The following OR9Q1 variants were observed in gnomAD, a reference collection of about 807,000 sequenced individuals.
OR9Q1 encodes olfactory receptor family 9 subfamily Q member 1, also known as olfactory receptor 9Q1.
For synonymous variants in OR9Q1, 153 were observed against 148.6 expected, an observed-to-expected ratio of 1.03 and a Z score of -0.22; for missense variants, 374 against 378.8, an observed-to-expected ratio of 0.99 and a Z score of 0.11.
chr11:58,070,446 G>A (rs1853476827), intron 2 of OR9Q1, among the ~76,000 whole-genome samples: 1 of 152,052 alleles, frequency 6.6e-6, no homozygotes, highest in African/African-American at 2.4e-5. Flanking sequence ...ACACTCCTAG[G>A]TGTCTGAGCA....
chr11:58,078,967 A>C (rs1244225204), intron 2 of OR9Q1, among the ~76,000 whole-genome samples: 1 of 152,228 alleles, frequency 6.6e-6, no homozygotes, highest in Non-Finnish European at 1.5e-5. Flanking sequence ...GAATTCTTTT[A>C]ACTCAATCTC....
chr11:58,140,497 C>A (rs567776661), intron 2 of OR9Q1, among the ~76,000 whole-genome samples: 1 of 152,242 alleles, frequency 6.6e-6, no homozygotes, highest in Non-Finnish European at 1.5e-5. Flanking sequence ...TTTCAGCTTT[C>A]TACATATGGC....
intron 1 of OR9Q1, among the ~76,000 whole-genome samples, chr11:58,053,050 AG>A (rs1216397362): frequency 1.3e-5 from 2 of 151,718 alleles, no homozygotes; most frequent in African/African-American, 4.8e-5. Context: ...GCGATTCCTC[AG>A]GGATCTAGAA....
intron 2 of OR9Q1, among the ~76,000 whole-genome samples, chr11:58,151,160 T>A (rs1016699302): frequency 6.6e-6 from 1 of 152,210 alleles, no homozygotes; most frequent in East Asian, 1.9e-4. Flanking sequence ...TAGCATCGTT[T>A]GTTGAAAAGG....
At chr11:58,053,629 A>AAAT (rs1554965493) in intron 1 of OR9Q1, among the ~76,000 whole-genome samples, 1 of 98,930 alleles carries the variant, frequency 1.0e-5, no homozygotes, top group African/African-American at 3.4e-5. Context: ...ATATATATAA[A>AAAT]ATATATATAT....
intron 2 of OR9Q1, among the ~76,000 whole-genome samples, chr11:58,074,654 G>A (rs10792133): frequency 0.24 from 36,359 of 152,006 alleles, 5,092 homozygotes; most frequent in East Asian, 0.58. Context: ...AATTGCTTTC[G>A]GTGTTTTAGT....
chr11:58,178,197 C>T lies in OR9Q1; in HGVS notation c.-14-1234C>T, dbSNP rs538671743. On this transcript the variant is annotated intron_variant, in intron 2 of 2. Coordinates refer to ENST00000335397, the MANE Select transcript of OR9Q1 (RefSeq NM_001005212.4). The stretch of plus-strand genomic sequence containing the variant: ...ATGTGGAGGAGTCAAAATATTATCC[C>T]ATCCCAGATTACAGTAATCTATTGC... Among the ~76,000 whole-genome samples, 11 of 152,262 alleles carry T rather than the reference C, an allele frequency of 7.2e-5. No homozygotes were observed. The South Asian group carries it at 2.3e-3, about 32-fold the overall frequency.
intron 2 of OR9Q1, among the ~76,000 whole-genome samples, chr11:58,124,236 G>A (rs1408294693): frequency 1.3e-5 from 2 of 152,098 alleles, no homozygotes; most frequent in Non-Finnish European, 2.9e-5. Flanking sequence ...GTTTATGAAA[G>A]GGAAAGCAAC....
At chr11:58,119,006 CT>C (rs771314912) in intron 2 of OR9Q1, 370 of 1,613,814 alleles carry the variant, frequency 2.3e-4, no homozygotes, top group Non-Finnish European at 3.0e-4. Flanking sequence ...ACATAGGCTC[CT>C]ACCACCAGGC....
At chr11:58,136,550 A>C (rs1378065369) in intron 2 of OR9Q1, among the ~76,000 whole-genome samples, 1 of 152,150 alleles carries the variant, frequency 6.6e-6, no homozygotes, top group Non-Finnish European at 1.5e-5. Context: ...CCCTAATCTT[A>C]ATCACTAGGA....
rs564098683 is a variant in OR9Q1 at position 58,173,303 on chromosome 11, C to T, written c.-14-6128C>T. On this transcript the variant is annotated intron_variant, in intron 2 of 2. Coordinates refer to ENST00000335397, the MANE Select transcript of OR9Q1 (RefSeq NM_001005212.4). ...CCTCCCCCCTCCCCCCACCCCACAA[C>T]AGTCCCCAGTGTGTGATGTTCCCCT... is the stretch of plus-strand genomic sequence containing the variant. 6.3e-3 allele frequency among the ~76,000 whole-genome samples: 693 copies of T among 109,868 alleles called. 1 individual carries two copies. The highest frequency in any genetic ancestry group is 9.2e-3 in the Non-Finnish European group (539 of 58,612). The allele number at this position is 109,868 out of a possible 152,430, so 72.1% of individuals were successfully genotyped here.
At chr11:58,076,520 C>T (rs1853540438) in intron 2 of OR9Q1, among the ~76,000 whole-genome samples, 1 of 152,322 alleles carries the variant, frequency 6.6e-6, no homozygotes, top group East Asian at 1.9e-4. Context: ...TCAAGACAAG[C>T]AGGAGAATGT....
At chr11:58,054,847 C>G (rs565315311) in intron 1 of OR9Q1, among the ~76,000 whole-genome samples, 2 of 152,142 alleles carry the variant, frequency 1.3e-5, no homozygotes, top group Non-Finnish European at 2.9e-5. Flanking sequence ...TCACTTGAAC[C>G]CAGGAGGTGG....
chr11:58,119,206 T>C, intron 2 of OR9Q1: 1 of 1,613,940 alleles, frequency 6.2e-7, no homozygotes, highest in Non-Finnish European at 8.5e-7. Context: ...GGCTAGGATC[T>C]GAGGGGTGAT....
intron 2 of OR9Q1, among the ~76,000 whole-genome samples, chr11:58,137,524 A>G (rs564917292): frequency 9.2e-5 from 14 of 152,192 alleles, no homozygotes; most frequent in Admixed American, 8.5e-4. Flanking sequence ...AACTTATATT[A>G]CTTTCCTCCT....
chr11:58,092,649 T>G (rs1004975824), intron 2 of OR9Q1, among the ~76,000 whole-genome samples: 2 of 152,208 alleles, frequency 1.3e-5, no homozygotes, highest in African/African-American at 4.8e-5. Context: ...TTGCTTCTTT[T>G]TTCGTTTCTC....
At chr11:58,148,904 T>C (rs1854324439) in intron 2 of OR9Q1, among the ~76,000 whole-genome samples, 1 of 152,196 alleles carries the variant, frequency 6.6e-6, no homozygotes, top group Non-Finnish European at 1.5e-5. Context: ...ATGGACATTA[T>C]ACAATTCGTC....
chr11:58,075,613 C>T (rs775157101), intron 2 of OR9Q1, among the ~76,000 whole-genome samples: 1 of 152,170 alleles, frequency 6.6e-6, no homozygotes. Flanking sequence ...GAAGGCACAG[C>T]GAGAAGGTGC....
At chr11:58,060,436 G>A (rs1316944464) in intron 2 of OR9Q1, among the ~76,000 whole-genome samples, 2 of 152,180 alleles carry the variant, frequency 1.3e-5, no homozygotes, top group African/African-American at 2.4e-5. Context: ...AAAAATCTTA[G>A]GTGAGTCCAC....
Sources: allele counts gnomAD v4.1 joint callset (sites outside exome capture counted in the v4.1 genomes callset), GRCh38; gene constraint gnomAD v4.1.1; transcripts MANE v1.5; gene names NCBI Gene and HGNC (gene_info 2026-07-23, HGNC 2026-07-21).